The following RANBP9 variants were observed in gnomAD, a reference collection of about 807,000 sequenced individuals.
RANBP9 encodes the protein ran-binding protein 9.
RANBP9 carries 15 observed loss-of-function variants against 84.3 expected under a neutral mutation model. The ratio of observed to expected loss-of-function variants is 0.18; its 90% CI spans 0.12 to 0.27. RANBP9 has a LOEUF of 0.27. Among genes scored for constraint, RANBP9 ranks in the 10% least tolerant of loss-of-function variants. RANBP9 has a pLI of 1.00. For missense variants in RANBP9, 809 were observed against 912.8 expected (o/e 0.89, Z 1.46); for synonymous variants, 392 against 349.6 (o/e 1.12, Z -1.35).
At chr6:13,631,824 C>G (rs1484801696) in intron 12 of RANBP9, among the ~76,000 whole-genome samples, 1 of 152,190 alleles carries the variant, frequency 6.6e-6, no homozygotes, top group Non-Finnish European at 1.5e-5. Context: ...TCCATCCTAT[C>G]AGCTCATGGA....
At chr6:13,701,639 G>A (rs752019132) in intron 1 of RANBP9, among the ~76,000 whole-genome samples, 5 of 151,936 alleles carry the variant, frequency 3.3e-5, no homozygotes, top group Admixed American at 6.6e-5. Context: ...GCATGGTGGT[G>A]CGCAACTGTA....
intron 2 of RANBP9, among the ~76,000 whole-genome samples, chr6:13,667,281 T>C (rs992128954): frequency 6.6e-6 from 1 of 152,322 alleles, no homozygotes; most frequent in South Asian, 2.1e-4. Flanking sequence ...CCATCTGTTC[T>C]CTCCATCTTT....
In RANBP9 at chr6:13,631,573, G is replaced by A. The variant is rs930073177; in HGVS notation, c.1947+797C>T. Among the ~76,000 whole-genome samples the A allele has an allele frequency of 3.9e-5, 6 of 152,130 alleles. No individual in the cohort carries two copies. In the East Asian group the frequency reaches 5.8e-4, roughly 15 times the overall value. ...TCAGTCCAGGTCAGGAAGAAACAGC[G>A]GCAGGAATCTTTTGCTTGCCCTTTC... On this transcript the variant is annotated intron_variant, in intron 12 of 13. Transcript: ENST00000011619.
At chr6:13,703,065 T>C (rs1561696931) in intron 1 of RANBP9, among the ~76,000 whole-genome samples, 1 of 152,198 alleles carries the variant, frequency 6.6e-6, no homozygotes, top group Non-Finnish European at 1.5e-5. Flanking sequence ...CAGGCTAAAA[T>C]GCAGTGGCAT....
Position 13,633,791 on chromosome 6 carries a change from A to G in RANBP9, c.1795+640T>C, listed in dbSNP as rs187406143. On this transcript the variant is annotated intron_variant, in intron 11 of 13. Transcript: ENST00000011619. ...ACATTGCCATGGAATTCCAACAAAT[A>G]AATGAAAAAATGTAATCCAACAAAT... Among the ~76,000 whole-genome samples, 52 of 152,350 alleles carry G rather than the reference A, an allele frequency of 3.4e-4. 1 individual carries two copies. Among genetic ancestry groups the G allele is most frequent in the East Asian group, 2.1e-3 (11 of 5,196 alleles).
chr6:13,653,427 A>G (rs1765337756), intron 4 of RANBP9, among the ~76,000 whole-genome samples: 1 of 152,184 alleles, frequency 6.6e-6, no homozygotes, highest in East Asian at 1.9e-4. Flanking sequence ...TGAAAATAAT[A>G]AAGTATTTCT....
intron 2 of RANBP9, among the ~76,000 whole-genome samples, chr6:13,681,780 A>C (rs1398237767): frequency 6.6e-6 from 1 of 152,222 alleles, no homozygotes; most frequent in Non-Finnish European, 1.5e-5. Flanking sequence ...GAAATAACAA[A>C]AGAATAAATC....
At chr6:13,673,241 G>C (rs919806185) in intron 2 of RANBP9, among the ~76,000 whole-genome samples, 1 of 152,136 alleles carries the variant, frequency 6.6e-6, no homozygotes, top group Non-Finnish European at 1.5e-5. Flanking sequence ...AGAGAGTGGA[G>C]TGAAATATTT....
rs73358359 is a variant in RANBP9, at chr6:13,675,299, C to T, written c.684-16467G>A. On this transcript the variant is annotated intron_variant, in intron 2 of 13. Transcript: ENST00000011619. The stretch of plus-strand genomic sequence containing the variant: ...AAGACATGCCTTAACTAAAGTCATA[C>T]AAACTATGCTCTCAGACTTTAATAG... Among the ~76,000 whole-genome samples, 804 of 152,270 alleles carry T rather than the reference C, an allele frequency of 5.3e-3. 4 individuals carry two copies. Among genetic ancestry groups the T allele is most frequent in the African/African-American group, 0.018 (766 of 41,564 alleles).
At chr6:13,689,313 T>C (rs1163346913) in intron 2 of RANBP9, among the ~76,000 whole-genome samples, 2 of 151,484 alleles carry the variant, frequency 1.3e-5, no homozygotes, top group South Asian at 2.1e-4. Flanking sequence ...ACTCTGTCGC[T>C]AGGCTGGAGT....
At chr6:13,673,438 T>C (rs552961940) in intron 2 of RANBP9, among the ~76,000 whole-genome samples, 133 of 152,226 alleles carry the variant, frequency 8.7e-4, no homozygotes, top group Non-Finnish European at 1.1e-3. Flanking sequence ...GGTGAGAAAA[T>C]AGAATCCTTA....
chr6:13,648,475 T>C (rs542892630), intron 5 of RANBP9, among the ~76,000 whole-genome samples: 1 of 152,254 alleles, frequency 6.6e-6, no homozygotes, highest in East Asian at 1.9e-4. Flanking sequence ...TCAAGGTTCA[T>C]CCATGCAGCA....
intron 2 of RANBP9, among the ~76,000 whole-genome samples, chr6:13,689,213 T>C (rs1269327050): frequency 6.6e-6 from 1 of 151,402 alleles, no homozygotes; most frequent in African/African-American, 2.4e-5. Context: ...ATAGAGTATA[T>C]TTCACCCTAG....
At chr6:13,643,513 A>G (rs560925022) in intron 6 of RANBP9, among the ~76,000 whole-genome samples, 1 of 152,332 alleles carries the variant, frequency 6.6e-6, no homozygotes, top group East Asian at 1.9e-4. Flanking sequence ...ACAGATCTGC[A>G]TCTTATTTTA....
intron 12 of RANBP9, among the ~76,000 whole-genome samples, chr6:13,632,094 A>G (rs1764797845): frequency 6.9e-6 from 1 of 144,814 alleles, no homozygotes; most frequent in South Asian, 2.2e-4. Flanking sequence ...CAATGTTGAT[A>G]AGCACTAGCA....
At chr6:13,625,622 C>A in intron 13 of RANBP9, 31 bp downstream of exon 13, 1 of 1,484,748 alleles carries the variant, frequency 6.7e-7, no homozygotes, top group Non-Finnish European at 9.4e-7. Flanking sequence ...GAGAATCTAA[C>A]TGAAATTGTG....
At chr6:13,662,674 G>C (rs1045510385) in intron 2 of RANBP9, among the ~76,000 whole-genome samples, 34 of 152,316 alleles carry the variant, frequency 2.2e-4, no homozygotes, top group South Asian at 2.1e-4. Flanking sequence ...AACTGAATCT[G>C]CTGGAACCTT....
At chr6:13,705,461 T>C (rs1426342119) in intron 1 of RANBP9, among the ~76,000 whole-genome samples, 1 of 150,386 alleles carries the variant, frequency 6.6e-6, no homozygotes, top group Non-Finnish European at 1.5e-5. Flanking sequence ...TTGTCTACTG[T>C]TCTGCATGAT....
At chr6:13,710,785 G>T in intron 1 of RANBP9, 150 bp downstream of exon 1, 1 of 782,188 alleles carries the variant, frequency 1.3e-6, no homozygotes, top group Non-Finnish European at 1.9e-6. Flanking sequence ...CGACCCCCGC[G>T]CCCACCCGGA....
Sources: allele counts gnomAD v4.1 joint callset (sites outside exome capture counted in the v4.1 genomes callset), GRCh38; gene constraint gnomAD v4.1.1; transcripts MANE v1.5; gene names NCBI Gene and HGNC (gene_info 2026-07-23, HGNC 2026-07-21).